The following TP73 variants were observed in gnomAD, a reference collection of about 807,000 sequenced individuals.
The protein encoded by TP73 is p53-like transcription factor.
A neutral mutation model predicts 62.5 loss-of-function variants in TP73; 25 were observed. That is an observed-to-expected ratio of 0.40 (90% CI 0.29 to 0.56). TP73 has a LOEUF of 0.56. TP73 is among the 20% of genes least tolerant of loss of function. The pLI, the probability that TP73 is intolerant of heterozygous loss-of-function variation, is 0.46. For missense variants in TP73, 754 were observed against 913.3 expected (o/e 0.83, Z 2.25); for synonymous variants, 423 against 377.5 (o/e 1.12, Z -1.40).
chr1:3,713,814 C>T (rs1053244022), intron 4 of TP73, among the ~76,000 whole-genome samples: 2 of 152,126 alleles, frequency 1.3e-5, no homozygotes, highest in African/African-American at 4.8e-5. Flanking sequence ...ACGTGGCGGC[C>T]GAGGCTGGTG....
Position 3,728,208 on chromosome 1 carries a change from C to T in TP73, c.1065C>T (p.Tyr355=), listed in dbSNP as rs1641837547. Residue 355 remains tyrosine, a synonymous_variant, in exon 9 of 14, where the codon TAC becomes TAT. Transcript: ENST00000378295. ...GGCGGCATGGAGACGAGGACACGTA[C>T]TACCTTCAGGTGAGTGTGTGCTCCT... ...KKRRHGDEDT[Y]YLQVRGRENF... is the part of the protein sequence containing the mutation. 1 of 1,611,586 alleles carries T rather than the reference C, an allele frequency of 6.2e-7. No individual in the cohort carries two copies. Among genetic ancestry groups the T allele is most frequent in the Non-Finnish European group, 8.5e-7 (1 of 1,179,960 alleles).
chr1:3,723,522 G>A lies in TP73; in HGVS notation c.732+53G>A, dbSNP rs575267730. 635 of 886,558 alleles carry A rather than the reference G, an allele frequency of 7.2e-4. 11 individuals are homozygous for A. The Admixed American group carries it at 0.012, about 17-fold the overall frequency. 54.9% of individuals were successfully genotyped at this position (886,558 alleles called of 1,614,324 possible). On this transcript the variant is annotated intron_variant, in intron 6 of 13. Transcript: ENST00000378295. The stretch of plus-strand genomic sequence containing the variant: ...GGCCCTGCAGTCAGCTGTACGGGTC[G>A]GGGGAGGGGTCCCCTGAGGCAGCCC...
At chr1:3,708,073 G>A (rs1639824600) in intron 4 of TP73, 4 of 528,024 alleles carry the variant, frequency 7.6e-6, no homozygotes, top group South Asian at 2.3e-5. Context: ...TGCCAAGACT[G>A]GCCAGCGGCT....
intron 5 of TP73, 51 bp downstream of exon 5, chr1:3,722,258 G>C: frequency 6.2e-7 from 1 of 1,600,824 alleles, no homozygotes; most frequent in East Asian, 2.2e-5. Context: ...CCAGCATCCC[G>C]GACAGCACAG....
intron 1 of TP73, among the ~76,000 whole-genome samples, chr1:3,658,192 T>C (rs2368544): frequency 0.17 from 25,491 of 152,026 alleles, 2,468 homozygotes; most frequent in East Asian, 0.46. Flanking sequence ...GGGGGACACA[T>C]TAGGGATGGA....
chr1:3,707,246 A>G (rs1639735137), intron 3 of TP73, among the ~76,000 whole-genome samples: 1 of 152,000 alleles, frequency 6.6e-6, no homozygotes, highest in Admixed American at 6.6e-5. Flanking sequence ...AGGGCCTGGG[A>G]GCCTCCCCCA....
intron 3 of TP73, among the ~76,000 whole-genome samples, chr1:3,689,992 C>G (rs532433769): frequency 1.3e-5 from 2 of 152,200 alleles, no homozygotes; most frequent in Admixed American, 1.3e-4. Flanking sequence ...TAGACGGGTG[C>G]GGGGCACCAC....
chr1:3,729,596 C>T (rs745551728), intron 10 of TP73, 148 bp downstream of exon 10: 1 of 1,404,602 alleles, frequency 7.1e-7, no homozygotes, highest in Admixed American at 1.7e-5. Flanking sequence ...CACCCCACAT[C>T]TCCTCCTCCA....
chr1:3,678,711 G>A (rs566198471), intron 1 of TP73, among the ~76,000 whole-genome samples: 3 of 152,314 alleles, frequency 2.0e-5, no homozygotes, highest in Non-Finnish European at 4.4e-5. Context: ...CCTCATGACA[G>A]TGTCCTCCTC....
rs760461927 is a variant in TP73, at chr1:3,707,613, C to G, written c.251C>G (p.Pro84Arg). The G allele has an allele frequency of 6.2e-7, 1 of 1,612,916 alleles. No homozygotes were observed. The highest frequency in any genetic ancestry group is 8.5e-7 in the Non-Finnish European group (1 of 1,179,938). Reference sequence around the variant, plus strand: ...AGCAGCCGCGCGGCCTCGGCCAGCCCCTACACCCCAGAGCACGCCGCCAGC... The same window carrying G: ...AGCAGCCGCGCGGCCTCGGCCAGCCGCTACACCCCAGAGCACGCCGCCAGC... ...QMSSRAASAS[P>R]YTPEHAASVP... Residue 84 changes from proline to arginine, a missense_variant, in exon 4 of 14, where the codon CCC becomes CGC. Coordinates refer to ENST00000378295, the MANE Select transcript of TP73 (RefSeq NM_005427.4).
At chr1:3,728,752 A>G (rs1033325524) in intron 9 of TP73, among the ~76,000 whole-genome samples, 7 of 152,186 alleles carry the variant, frequency 4.6e-5, no homozygotes, top group African/African-American at 1.4e-4. Flanking sequence ...AGGCGGGTGG[A>G]TCACTTGAGC....
chr1:3,698,549 G>T (rs1638871580), intron 3 of TP73, among the ~76,000 whole-genome samples: 2 of 152,224 alleles, frequency 1.3e-5, no homozygotes, highest in Non-Finnish European at 2.9e-5. Flanking sequence ...GGGGAGGTGG[G>T]CTTTGAGCGG....
intron 3 of TP73, among the ~76,000 whole-genome samples, chr1:3,693,735 C>A (rs34095686): frequency 0.095 from 8,939 of 93,614 alleles, 214 homozygotes; most frequent in Non-Finnish European, 0.14. Flanking sequence ...AATCCCAGCC[C>A]TGCAGCCTCA....
chr1:3,686,834 A>G (rs893225722), intron 3 of TP73, among the ~76,000 whole-genome samples: 3 of 152,154 alleles, frequency 2.0e-5, no homozygotes, highest in African/African-American at 7.2e-5. Context: ...TTAAAGAATT[A>G]CATAGCCCTC....
chr1:3,713,960 C>G (rs545464643), intron 4 of TP73, among the ~76,000 whole-genome samples: 1 of 152,070 alleles, frequency 6.6e-6, no homozygotes, highest in Admixed American at 6.5e-5. Context: ...ATGGGGAAAC[C>G]GCACAGGGGG....
chr1:3,680,234 G>A (rs149466194), intron 1 of TP73, among the ~76,000 whole-genome samples: 82 of 152,292 alleles, frequency 5.4e-4, no homozygotes, highest in African/African-American at 1.9e-3. Flanking sequence ...TCAGAGCTTC[G>A]TTCCTTTTCA....
At chr1:3,691,883 T>A (rs1468179834) in intron 3 of TP73, among the ~76,000 whole-genome samples, 1 of 152,214 alleles carries the variant, frequency 6.6e-6, no homozygotes, top group Non-Finnish European at 1.5e-5. Flanking sequence ...CGGAGGCCTT[T>A]GGAGCCGTGG....
chr1:3,677,842 T>A (rs1218534744), intron 1 of TP73, among the ~76,000 whole-genome samples: 1 of 152,076 alleles, frequency 6.6e-6, no homozygotes, highest in East Asian at 1.9e-4. Flanking sequence ...TGCAGGCACA[T>A]GCCATCACGC....
chr1:3,720,964 G>A (rs985310800), intron 4 of TP73, among the ~76,000 whole-genome samples: 3 of 152,212 alleles, frequency 2.0e-5, no homozygotes, highest in Non-Finnish European at 4.4e-5. Flanking sequence ...GAGTCATCGG[G>A]GGCTGGTGAG....
Sources: allele counts gnomAD v4.1 joint callset (sites outside exome capture counted in the v4.1 genomes callset), GRCh38; gene constraint gnomAD v4.1.1; transcripts MANE v1.5; gene names NCBI Gene and HGNC (gene_info 2026-07-23, HGNC 2026-07-21).